The following IL15RA variants were observed in gnomAD, a reference collection of about 807,000 sequenced individuals.
IL15RA encodes the protein interleukin 15 receptor subunit alpha, also known as interleukin-15 receptor subunit alpha.
Under a neutral mutation model 24.2 loss-of-function variants are expected in IL15RA, and 26 were observed. The ratio of observed to expected loss-of-function variants is 1.07; its 90% confidence interval spans 0.79 to 1.49. The LOEUF (loss-of-function observed/expected upper bound fraction) is 1.49. IL15RA is among the 40% of genes most tolerant of loss of function. IL15RA has a pLI of 0.00. For missense variants in IL15RA, 354 were observed against 356.4 expected (o/e 0.99, Z 0.05); for synonymous variants, 166 against 157.6 (o/e 1.05, Z -0.40).
Position 5,958,685 on chromosome 10 carries a change from C to T in IL15RA, c.616+1069G>A, listed in dbSNP as rs533700453. Among the ~76,000 whole-genome samples the T allele has an allele frequency of 1.3e-5, 2 of 152,168 alleles. No homozygotes were observed. Among genetic ancestry groups the T allele is most frequent in the African/African-American group, 4.8e-5 (2 of 41,422 alleles). On this transcript the variant is annotated intron_variant, in intron 5 of 6. Coordinates refer to ENST00000379977, the MANE Select transcript of IL15RA (RefSeq NM_002189.4). The surrounding 1 kb of genome is among the most constrained non-coding windows in gnomAD (Gnocchi z 4.3). ...TATAGGTGTGAGCTACCTCGCCCAGCCTGATTGTTTTTTAAACGATTCTAA... is the reference window on the plus strand; with the variant it reads ...TATAGGTGTGAGCTACCTCGCCCAGTCTGATTGTTTTTTAAACGATTCTAA...
rs984170957 is a variant in IL15RA, at chr10:5,958,941, C to T, written c.616+813G>A. Among the ~76,000 whole-genome samples the T allele has an allele frequency of 6.6e-6, 1 of 152,106 alleles. No individual in the cohort carries two copies. The highest frequency in any genetic ancestry group is 2.1e-4 in the South Asian group (1 of 4,822). Reference sequence around the variant, plus strand: ...TCTTCTCATTACCTGCGTTCTTCCTCCCTGCCTGCTTCCCTTCTTCCTCCT... The same window carrying T: ...TCTTCTCATTACCTGCGTTCTTCCTTCCTGCCTGCTTCCCTTCTTCCTCCT... On this transcript the variant is annotated intron_variant, in intron 5 of 6. Coordinates refer to ENST00000379977, the MANE Select transcript of IL15RA (RefSeq NM_002189.4). The surrounding 1 kb of genome is among the most constrained non-coding windows in gnomAD (Gnocchi z 4.3).
chr10:5,963,219 C>T lies in IL15RA; in HGVS notation c.382+524G>A, dbSNP rs1279506825. 7.9e-5 allele frequency among the ~76,000 whole-genome samples: 12 copies of T among 152,346 alleles called. No individual in the cohort carries two copies. The highest frequency in any genetic ancestry group is 4.6e-4 in the Admixed American group (7 of 15,304). ...GGTGTGATTACTGCCCATGACAAAA[C>T]GCTTGGGTCTCGGAAGCCCAGGCTT... On this transcript the variant is annotated intron_variant, in intron 3 of 6. Transcript: ENST00000379977. This position sits in a 1 kb window ranked among gnomAD's most constrained non-coding sequence, Gnocchi z 5.3.
At chr10:5,974,324 C>CA (rs1202575063) in intron 1 of IL15RA, among the ~76,000 whole-genome samples, 3 of 150,962 alleles carry the variant, frequency 2.0e-5, no homozygotes, top group Admixed American at 6.6e-5. Flanking sequence ...TTTAAGAGAG[C>CA]AAAAAAAATA....
Position 5,960,514 on chromosome 10 carries a change from T to C in IL15RA, c.436A>G (p.Ile146Val), listed in dbSNP as rs779785091. 2 of 1,614,132 alleles carry C rather than the reference T, an allele frequency of 1.2e-6. No individual in the cohort carries two copies. Among genetic ancestry groups the C allele is most frequent in the East Asian group, 2.2e-5 (1 of 44,892 alleles). Residue 146 changes from isoleucine (I) to valine (V), a missense_variant, in exon 4 of 7, where the codon ATT (isoleucine) becomes GTT (valine). Transcript: ENST00000379977. The surrounding 1 kb of genome is among the most constrained non-coding windows in gnomAD (Gnocchi z 5.1). ...SNNTAATTAA[I>V]VPGSQLMPSK... The stretch of plus-strand genomic sequence containing the variant: ...GGCATCAGCTGGGAGCCCGGGACAA[T>C]AGCTGCTGTTGTGGCCGCTGTGTTG...
rs1053279309 is a variant in IL15RA, at chr10:5,962,455, G to A, written c.382+1288C>T. Among the ~76,000 whole-genome samples the A allele has an allele frequency of 1.3e-5, 2 of 152,088 alleles. No individual in the cohort carries two copies. Among genetic ancestry groups the A allele is most frequent in the Admixed American group, 6.5e-5 (1 of 15,272 alleles). On this transcript the variant is annotated intron_variant, in intron 3 of 6. Transcript: ENST00000379977. This position sits in a 1 kb window ranked among gnomAD's most constrained non-coding sequence, Gnocchi z 5.2. ...AAAAATACAGAAATTAGCCAGGCGT[G>A]GTGGTGCACGCCTGTGATCCCAGCT...
chr10:5,966,459 C>T lies in IL15RA; in HGVS notation c.89-120G>A. On this transcript the variant is annotated intron_variant, in intron 1 of 6. Transcript: ENST00000379977. The surrounding 1 kb of genome is among the most constrained non-coding windows in gnomAD (Gnocchi z 6.4). ...TCCTAGGGGTGCCTCAGGACAAGCC[C>T]CAGGTGCCAGGCACGTGGAGGATGT... 1 of 733,400 alleles carries T rather than the reference C, an allele frequency of 1.4e-6. No homozygotes were observed. The highest frequency in any genetic ancestry group is 2.2e-6 in the Non-Finnish European group (1 of 446,710). The allele number at this position is 733,400 out of a possible 1,614,324, so 45.4% of individuals were successfully genotyped here.
rs1463871403 is a variant in IL15RA at position 5,968,934 on chromosome 10, A to G, written c.89-2595T>C. 6.5e-7 allele frequency: 1 copy of G among 1,532,520 alleles called. No individual in the cohort carries two copies. Among genetic ancestry groups the G allele is most frequent in the Non-Finnish European group, 8.7e-7 (1 of 1,144,292 alleles). 94.9% of individuals were successfully genotyped at this position (1,532,520 alleles called of 1,614,324 possible). ...AGCCAGCCTGTCTCTTGCATCTGTA[A>G]CAGGTTTTGTACAGGAAGTGTTCCC... On this transcript the variant is annotated intron_variant, in intron 1 of 6. Transcript: ENST00000379977. The surrounding 1 kb of genome is among the most constrained non-coding windows in gnomAD (Gnocchi z 5.4).
chr10:5,948,984 AG>A (rs1308671493), downstream of IL15RA: 1 of 301,912 alleles, frequency 3.3e-6, no homozygotes, highest in Non-Finnish European at 6.7e-6. Flanking sequence ...ATAACAGACA[AG>A]GAAGTATAAA....
downstream of IL15RA, chr10:5,948,985 G>A (rs41294011): frequency 1.3e-3 from 383 of 301,104 alleles, no homozygotes; most frequent in Non-Finnish European, 2.0e-3. Context: ...TAACAGACAA[G>A]GAAGTATAAA....
chr10:5,972,517 GA>G (rs1304580155), intron 1 of IL15RA, among the ~76,000 whole-genome samples: 1 of 152,244 alleles, frequency 6.6e-6, no homozygotes, highest in East Asian at 1.9e-4. Flanking sequence ...AGATGAATTA[GA>G]AAAAACTCCA....
upstream of IL15RA, chr10:5,977,875 C>T (rs779030907): frequency 3.9e-5 from 14 of 362,502 alleles, no homozygotes; most frequent in Non-Finnish European, 5.9e-5. Flanking sequence ...AGAGAGTGGG[C>T]AAAGTCATCG....
Position 5,959,499 on chromosome 10 carries a change from G to A in IL15RA, c.616+255C>T, listed in dbSNP as rs566365248. Among the ~76,000 whole-genome samples, 1 of 152,322 alleles carries A rather than the reference G, an allele frequency of 6.6e-6. No homozygotes were observed. The highest frequency in any genetic ancestry group is 2.1e-4 in the South Asian group (1 of 4,830). On this transcript the variant is annotated intron_variant, in intron 5 of 6. Coordinates refer to ENST00000379977, the MANE Select transcript of IL15RA (RefSeq NM_002189.4). The surrounding 1 kb of genome is among the most constrained non-coding windows in gnomAD (Gnocchi z 4.1). The stretch of plus-strand genomic sequence containing the variant: ...GAGCTGACCTTGAGCCCTTATTTGG[G>A]GTGCCAGCTCTCTGGGTTCAACCCC...
intron 5 of IL15RA, among the ~76,000 whole-genome samples, chr10:5,957,554 G>A (rs1204053951): frequency 4.0e-5 from 6 of 150,098 alleles, no homozygotes; most frequent in South Asian, 2.1e-4. Flanking sequence ...GATTACAGGC[G>A]TGAACCACCA....
In IL15RA at chr10:5,977,078, C is replaced by T. The variant is rs11256192; in HGVS notation, c.88+327G>A. Reference sequence around the variant, plus strand: ...GCCCGTGTCTCCAAACTGCTGGACGCCGCCGGCTCCGCGCTCCCGTGGCCA... The same window carrying T: ...GCCCGTGTCTCCAAACTGCTGGACGTCGCCGGCTCCGCGCTCCCGTGGCCA... On this transcript the variant is annotated intron_variant, in intron 1 of 6. Coordinates refer to ENST00000379977, the MANE Select transcript of IL15RA (RefSeq NM_002189.4). 1,267 of 247,246 alleles carry T rather than the reference C, an allele frequency of 5.1e-3. 17 individuals are homozygous for T. The highest frequency in any genetic ancestry group is 0.026 in the African/African-American group (1,178 of 44,506). 15.3% of individuals were successfully genotyped at this position (247,246 alleles called of 1,614,324 possible). A position where few individuals can be genotyped will look rare whatever the true frequency, so the allele number is the denominator to read the frequency against.
At chr10:5,978,120 G>C (rs1213088014), upstream of IL15RA, 1 of 152,204 alleles carries the variant, frequency 6.6e-6, no homozygotes, top group Non-Finnish European at 1.5e-5. This position sits in a 1 kb window ranked among gnomAD's most constrained non-coding sequence, Gnocchi z 5.2. Flanking sequence ...GCCACCTGCT[G>C]GCTCCCGCGG....
downstream of IL15RA, among the ~76,000 whole-genome samples, chr10:5,949,642 C>T (rs1833737854): frequency 6.6e-6 from 1 of 152,172 alleles, no homozygotes; most frequent in Admixed American, 6.5e-5. The surrounding 1 kb of genome is among the most constrained non-coding windows in gnomAD (Gnocchi z 4.4). Context: ...CTTTTGATCC[C>T]TGCTCTCCCA....
In IL15RA at chr10:5,959,355, C is replaced by T. The variant is rs979662407; in HGVS notation, c.616+399G>A. Among the ~76,000 whole-genome samples, 4 of 151,954 alleles carry T rather than the reference C, an allele frequency of 2.6e-5. No individual in the cohort carries two copies. Among genetic ancestry groups the T allele is most frequent in the African/African-American group, 7.3e-5 (3 of 41,366 alleles). ...GTGGACAGCTTCTCTGTTAAGTGCA[C>T]GGTGCCACGCCCTGGAGAGGAATTG... On this transcript the variant is annotated intron_variant, in intron 5 of 6. Transcript: ENST00000379977. The surrounding 1 kb of genome is among the most constrained non-coding windows in gnomAD (Gnocchi z 4.1).
intron 1 of IL15RA, among the ~76,000 whole-genome samples, chr10:5,969,234 ATTAAATTAATTTT>A (rs1837153830): frequency 1.3e-5 from 2 of 148,880 alleles, no homozygotes; most frequent in South Asian, 4.1e-4. Context: ...TTTAAATTAA[ATTAAATTAATTTT>A]TTAAATTAAA....
rs1197398528 is a variant in IL15RA, at chr10:5,973,731, T to C, written c.88+3674A>G. 6.6e-6 allele frequency among the ~76,000 whole-genome samples: 1 copy of C among 152,198 alleles called. No homozygotes were observed. The highest frequency in any genetic ancestry group is 2.4e-5 in the African/African-American group (1 of 41,448). On this transcript the variant is annotated intron_variant, in intron 1 of 6. Coordinates refer to ENST00000379977, the MANE Select transcript of IL15RA (RefSeq NM_002189.4). The surrounding 1 kb of genome is among the most constrained non-coding windows in gnomAD (Gnocchi z 4.5). ...GCTATAAAACTTCTAGAGGAACACA[T>C]AGAAGTAAACCTTTGTAACCTTAGG...
Sources: gnomAD v4.1 joint callset for allele counts (sites outside exome capture counted in the v4.1 genomes callset) on GRCh38, gnomAD v4.1.1 for gene constraint, Gnocchi (gnomAD v3.1) non-coding constraint, MANE v1.5 for transcripts, NCBI Gene and HGNC (gene_info 2026-07-23, HGNC 2026-07-21) for gene names.